Variants in PCDHGB2 observed in about 807,000 individuals in gnomAD.
PCDHGB2 encodes protocadherin gamma-B2.
PCDHGB2 carries 55 observed loss-of-function variants against 59.3 expected under a neutral mutation model. The observed-to-expected ratio is 0.93, with a 90% confidence interval of 0.75 to 1.16. The LOEUF is 1.16. Ranked by LOEUF, PCDHGB2 falls within the 50% of genes most tolerant of loss-of-function variation. PCDHGB2 has a pLI of 0.00. For missense variants in PCDHGB2, 1,228 were observed against 1,198.5 expected (o/e 1.02, Z -0.36); for synonymous variants, 516 against 512.0 (o/e 1.01, Z -0.11).
At chr5:141,384,938 C>T (rs754481008) in intron 1 of PCDHGB2, 26 of 1,613,824 alleles carry the variant, frequency 1.6e-5, no homozygotes, top group Non-Finnish European at 2.2e-5. Flanking sequence ...AGCCTTGAGC[C>T]CTCCGACGGT....
rs1761688095 is a variant in PCDHGB2 at position 141,360,644 on chromosome 5, A to C, written c.509A>C (p.Tyr170Ser). The C allele has an allele frequency of 6.2e-7, 1 of 1,613,994 alleles. No homozygotes were observed. Among genetic ancestry groups the C allele is most frequent in the Non-Finnish European group, 8.5e-7 (1 of 1,179,898 alleles). The change falls in exon 1 of 4, where the codon TAC becomes TCC. Residue 170 changes from tyrosine to serine, a missense_variant. Physicochemically the swap from Tyr to Ser is moderately radical, Grantham distance 144. Coordinates refer to ENST00000522605, the MANE Select transcript of PCDHGB2 (RefSeq NM_018923.3). Reference sequence around the variant, plus strand: ...GTTGGTCCTAACTCACTACAAAGATACCACCTTAATGACAACGAGTACTTT... The same window carrying C: ...GTTGGTCCTAACTCACTACAAAGATCCCACCTTAATGACAACGAGTACTTT... The part of the protein sequence containing the change: ...SDVGPNSLQR[Y>S]HLNDNEYFDL...
In PCDHGB2 at chr5:141,360,406, G is replaced by A; in HGVS notation, c.271G>A (p.Asp91Asn). The change falls in exon 1 of 4, where the codon GAC becomes AAC. Residue 91 changes from aspartate (D) to asparagine (N), a missense_variant. Around this residue, in one of 3 missense-constraint regions of PCDHGB2, gnomAD observed 781 missense variants for 721.6 expected, o/e 1.08. Transcript: ENST00000522605. ...SGDLLVSDRIDREQICGKQPL... is the reference protein window; with the variant it reads ...SGDLLVSDRINREQICGKQPL... ...AGACTTACTTGTGAGTGACAGAATA[G>A]ACCGAGAACAGATATGCGGGAAGCA... 1 of 1,613,978 alleles carries A rather than the reference G, an allele frequency of 6.2e-7. No individual in the cohort carries two copies.
intron 1 of PCDHGB2, chr5:141,428,054 G>A (rs763394113): frequency 6.2e-7 from 1 of 1,609,038 alleles, no homozygotes; most frequent in Admixed American, 1.7e-5. Context: ...CCAAGGTGGT[G>A]GCGGTGGACG....
intron 1 of PCDHGB2, chr5:141,394,704 G>A (rs1357305999): frequency 1.2e-6 from 2 of 1,613,268 alleles, no homozygotes; most frequent in East Asian, 2.2e-5. Context: ...CACGGCGCGA[G>A]CCCTGCTGGA....
At chr5:141,378,717 A>AG (rs1263141486) in intron 1 of PCDHGB2, 3 of 152,242 alleles carry the variant, frequency 2.0e-5, no homozygotes, top group Non-Finnish European at 4.4e-5. Flanking sequence ...TTCATCATAT[A>AG]GGAACTCTTT....
At position 141,378,204 on chromosome 5, in the gene PCDHGB2, T is replaced by C. The variant is rs1335712124; in HGVS notation, c.2421+15648T>C. On this transcript the variant is annotated intron_variant, in intron 1 of 3. Coordinates refer to ENST00000522605, the MANE Select transcript of PCDHGB2 (RefSeq NM_018923.3). ...TGCTGTGTGCCTACTACAGTGTCTT[T>C]TGCATACTGTGTGCCTGATAGTATT... The C allele has an allele frequency of 1.4e-4, 22 of 152,240 alleles. 1 individual carries two copies. Among genetic ancestry groups the C allele is most frequent in the Admixed American group, 1.4e-3 (22 of 15,288 alleles). The allele number at this position is 152,240 out of a possible 1,614,324, so 9.4% of individuals were successfully genotyped here.
In PCDHGB2 at chr5:141,431,450, A is replaced by G; in HGVS notation, c.2422-63357A>G. 2 of 1,613,740 alleles carry G rather than the reference A, an allele frequency of 1.2e-6. No individual in the cohort carries two copies. Among genetic ancestry groups the G allele is most frequent in the South Asian group, 1.1e-5 (1 of 91,082 alleles). Reference sequence around the variant, plus strand: ...CACAGGCACCGCGCGCATCCGCGTGATGGTTCTGGATGCGAACGACAACGC... The same window carrying G: ...CACAGGCACCGCGCGCATCCGCGTGGTGGTTCTGGATGCGAACGACAACGC... On this transcript the variant is annotated intron_variant, in intron 1 of 3. Coordinates refer to ENST00000522605, the MANE Select transcript of PCDHGB2 (RefSeq NM_018923.3). The surrounding 1 kb of genome is among the most constrained non-coding windows in gnomAD (Gnocchi z 4.8).
At chr5:141,507,262 G>A (rs1294679320) in intron 3 of PCDHGB2, 6 of 151,748 alleles carry the variant, frequency 4.0e-5, no homozygotes, top group Non-Finnish European at 8.8e-5. Flanking sequence ...TAAACAGCAA[G>A]TACTATTTCA....
chr5:141,429,592 T>C (rs2097226711), intron 1 of PCDHGB2, among the ~76,000 whole-genome samples: 1 of 152,234 alleles, frequency 6.6e-6, no homozygotes, highest in Non-Finnish European at 1.5e-5. Flanking sequence ...ATTCTTGTAA[T>C]TCAAGTAAAC....
intron 1 of PCDHGB2, among the ~76,000 whole-genome samples, chr5:141,458,526 A>T (rs921943954): frequency 1.7e-4 from 26 of 151,492 alleles, no homozygotes; most frequent in African/African-American, 5.6e-4. Flanking sequence ...TTTTTTTTTA[A>T]CTTATCAACT....
rs1309165721 is a variant in PCDHGB2 at position 141,430,655 on chromosome 5, G to A, written c.2422-64152G>A. On this transcript the variant is annotated intron_variant, in intron 1 of 3. Coordinates refer to ENST00000522605, the MANE Select transcript of PCDHGB2 (RefSeq NM_018923.3). Reference sequence around the variant, plus strand: ...ATCCCTGGGAGTATGTGGAAACAACGGAGGAGCTCTGACTTCCCAACTGTC... The same window carrying A: ...ATCCCTGGGAGTATGTGGAAACAACAGAGGAGCTCTGACTTCCCAACTGTC... 4.6e-6 allele frequency: 5 copies of A among 1,084,938 alleles called. No individual in the cohort carries two copies. In the East Asian group the frequency reaches 7.8e-5, roughly 17 times the overall value. 67.2% of individuals were successfully genotyped at this position (1,084,938 alleles called of 1,614,324 possible).
chr5:141,383,537 C>G, intron 1 of PCDHGB2: 2 of 1,612,570 alleles, frequency 1.2e-6, no homozygotes, highest in Non-Finnish European at 1.7e-6. Context: ...CTGGTCCTCA[C>G]AGCCTCTGAT....
chr5:141,511,117 G>A lies in PCDHGB2; in HGVS notation c.2740G>A (p.Ala914Thr). Residue 914 changes from alanine to threonine, a missense_variant, in exon 4 of 4, where the codon GCC becomes ACC. Physicochemically the swap from Ala to Thr is moderately conservative, Grantham distance 58. Around this residue, in one of 3 missense-constraint regions of PCDHGB2, gnomAD observed 433 missense variants for 441.8 expected, o/e 0.98. Coordinates refer to ENST00000522605, the MANE Select transcript of PCDHGB2 (RefSeq NM_018923.3). ...TNAAGKRDGK[A>T]PAGGNGNKKK... ...CGCAGCTGGCAAGCGGGATGGCAAG[G>A]CCCCAGCAGGTGGCAATGGCAACAA... 6.2e-7 allele frequency: 1 copy of A among 1,614,216 alleles called. No homozygotes were observed. Among genetic ancestry groups the A allele is most frequent in the Non-Finnish European group, 8.5e-7 (1 of 1,180,026 alleles).
In PCDHGB2 at chr5:141,430,592, C is replaced by G; in HGVS notation, c.2422-64215C>G. The G allele has an allele frequency of 9.2e-6, 5 of 544,570 alleles. No individual in the cohort carries two copies. In the South Asian group the frequency reaches 3.1e-4, roughly 34 times the overall value. The allele number at this position is 544,570 out of a possible 1,614,324, so 33.7% of individuals were successfully genotyped here. ...AAGCGGAGATCCTGCTCGCCTTGCACGCGCCTGAAGCACAAAGCAGATAGC... is the reference window on the plus strand; with the variant it reads ...AAGCGGAGATCCTGCTCGCCTTGCAGGCGCCTGAAGCACAAAGCAGATAGC... On this transcript the variant is annotated intron_variant, in intron 1 of 3. Coordinates refer to ENST00000522605, the MANE Select transcript of PCDHGB2 (RefSeq NM_018923.3).
chr5:141,459,486 G>A (rs764885682), intron 1 of PCDHGB2, among the ~76,000 whole-genome samples: 8 of 152,154 alleles, frequency 5.3e-5, no homozygotes, highest in Admixed American at 3.9e-4. Context: ...GTGCTATTCT[G>A]AATTAAAGTG....
At chr5:141,403,770 T>A in intron 1 of PCDHGB2, 1 of 1,613,894 alleles carries the variant, frequency 6.2e-7, no homozygotes, top group Non-Finnish European at 8.5e-7. Flanking sequence ...GATGAGGGAA[T>A]CAACGGAAAA....
chr5:141,380,065 A>G (rs569464120), intron 1 of PCDHGB2, among the ~76,000 whole-genome samples: 1 of 151,950 alleles, frequency 6.6e-6, no homozygotes, highest in East Asian at 1.9e-4. Context: ...ATGCCTAGCT[A>G]ATTTTCATAC....
At chr5:141,371,265 C>A in intron 1 of PCDHGB2, 1 of 1,614,024 alleles carries the variant, frequency 6.2e-7, no homozygotes, top group Non-Finnish European at 8.5e-7. Context: ...AGTGAGACAA[C>A]TGTTCAAGCT....
At chr5:141,506,188 C>T (rs925159785) in intron 3 of PCDHGB2, among the ~76,000 whole-genome samples, 2 of 152,058 alleles carry the variant, frequency 1.3e-5, no homozygotes, top group African/African-American at 4.8e-5. Flanking sequence ...TGGTGGCTCA[C>T]GCCTGTAATC....
Sources: allele counts gnomAD v4.1 joint callset (sites outside exome capture counted in the v4.1 genomes callset), GRCh38; gene constraint gnomAD v4.1.1; regional missense constraint gnomAD v4.1.1; non-coding constraint Gnocchi (gnomAD v3.1); transcripts MANE v1.5; gene names NCBI Gene and HGNC (gene_info 2026-07-23, HGNC 2026-07-21).